Variants in PPARGC1A observed in about 807,000 individuals in gnomAD.
PPARGC1A encodes the protein PPARG coactivator 1 alpha.
A neutral mutation model predicts 88.7 loss-of-function variants in PPARGC1A; 25 were observed. The ratio of observed to expected loss-of-function variants is 0.28; its 90% CI spans 0.21 to 0.39. PPARGC1A has a LOEUF of 0.39. Among genes scored for constraint, PPARGC1A ranks in the 10% least tolerant of loss-of-function variants. PPARGC1A has a pLI of 1.00. For missense variants in PPARGC1A, 880 were observed against 968.7 expected (o/e 0.91, Z 1.22); for synonymous variants, 363 against 355.6 (o/e 1.02, Z -0.24).
the PPARGC1A span, among the ~76,000 whole-genome samples, chr4:24,451,813 C>T: frequency 3.9e-5 from 6 of 152,120 alleles, no homozygotes; most frequent in African/African-American, 1.4e-4. Context: ...CTTGACCTCG[C>T]AATCTGCCCG....
chr4:24,211,906 T>C, the PPARGC1A span, among the ~76,000 whole-genome samples: 1 of 152,194 alleles, frequency 6.6e-6, no homozygotes, highest in African/African-American at 2.4e-5. Flanking sequence ...TCCTACTGTT[T>C]CATCGCCTAA....
the PPARGC1A span, among the ~76,000 whole-genome samples, chr4:24,344,162 G>C: frequency 6.6e-6 from 1 of 151,900 alleles, no homozygotes; most frequent in African/African-American, 2.4e-5. Context: ...GTGGGCATTT[G>C]GGTTCATTCT....
the PPARGC1A span, among the ~76,000 whole-genome samples, chr4:24,001,863 G>A: frequency 2.6e-5 from 4 of 152,022 alleles, no homozygotes; most frequent in East Asian, 1.9e-4. Context: ...CTGTGGCACC[G>A]AAACAGACGT....
intron 10 of PPARGC1A, among the ~76,000 whole-genome samples, chr4:23,808,955 T>C (rs1349583898): frequency 6.6e-6 from 1 of 152,152 alleles, no homozygotes; most frequent in Non-Finnish European, 1.5e-5. Flanking sequence ...TGAAGGTTTT[T>C]TTTTTCATTG....
At chr4:24,071,599 T>C in the PPARGC1A span, among the ~76,000 whole-genome samples, 42 of 152,282 alleles carry the variant, frequency 2.8e-4, no homozygotes, top group African/African-American at 7.9e-4. Flanking sequence ...CATTGGTGAA[T>C]TGTATTCACG....
intron 1 of PPARGC1A, among the ~76,000 whole-genome samples, chr4:23,889,589 G>C (rs926296095): frequency 6.6e-6 from 1 of 152,098 alleles, no homozygotes; most frequent in African/African-American, 2.4e-5. Context: ...TTCAGCTTCT[G>C]ATTCATATCA....
the PPARGC1A span, among the ~76,000 whole-genome samples, chr4:24,228,386 A>G: frequency 3.0e-4 from 45 of 152,336 alleles, no homozygotes; most frequent in African/African-American, 1.0e-3. Flanking sequence ...GCAAATTAAC[A>G]CAGGAACAGA....
chr4:24,036,442 C>T, the PPARGC1A span, among the ~76,000 whole-genome samples: 1 of 152,108 alleles, frequency 6.6e-6, no homozygotes, highest in Non-Finnish European at 1.5e-5. Context: ...CATGTATGAA[C>T]ATATTTATAG....
At chr4:24,040,243 T>C in the PPARGC1A span, among the ~76,000 whole-genome samples, 5 of 152,296 alleles carry the variant, frequency 3.3e-5, no homozygotes, top group African/African-American at 9.6e-5. Context: ...TACACACATC[T>C]TCCATCTTAG....
the PPARGC1A span, among the ~76,000 whole-genome samples, chr4:23,996,065 A>G: frequency 8.5e-5 from 13 of 152,092 alleles, no homozygotes; most frequent in African/African-American, 2.9e-4. Flanking sequence ...TCTTCAGGGG[A>G]TAGTAGTGAA....
chr4:24,203,358 G>T, the PPARGC1A span, among the ~76,000 whole-genome samples: 1 of 152,132 alleles, frequency 6.6e-6, no homozygotes, highest in South Asian at 2.1e-4. Context: ...GGCCAACATG[G>T]TAAAACCCTG....
chr4:24,282,858 TAA>T, the PPARGC1A span, among the ~76,000 whole-genome samples: 1 of 152,194 alleles, frequency 6.6e-6, no homozygotes, highest in Non-Finnish European at 1.5e-5. Flanking sequence ...TTTCATTTTT[TAA>T]AAAGTTTTAA....
chr4:23,871,044 C>T (rs1398357830), intron 2 of PPARGC1A, among the ~76,000 whole-genome samples: 1 of 151,612 alleles, frequency 6.6e-6, no homozygotes, highest in Non-Finnish European at 1.5e-5. Context: ...AACACATTTG[C>T]CATTGAAAGA....
the PPARGC1A span, among the ~76,000 whole-genome samples, chr4:24,040,900 C>T: frequency 3.3e-5 from 5 of 152,062 alleles, no homozygotes; most frequent in Middle Eastern, 3.2e-3. Context: ...TCATGTTCAC[C>T]GGGCTCAATT....
At chr4:23,895,936 ATGTGTGTGTGTGTGTGTGTG>A (rs550243415) in intron 1 of PPARGC1A, among the ~76,000 whole-genome samples, 1 of 130,640 alleles carries the variant, frequency 7.7e-6, no homozygotes, top group Non-Finnish European at 1.7e-5. Context: ...AATTATAGAG[ATGTGTGTGTGTGTGTGTGTG>A]TGTGTGTGTG....
chr4:24,250,218 C>T, the PPARGC1A span, among the ~76,000 whole-genome samples: 2 of 152,244 alleles, frequency 1.3e-5, no homozygotes, highest in African/African-American at 2.4e-5. Flanking sequence ...ATTATCACAC[C>T]ATTCCTTGCC....
chr4:23,928,152 A>G, the PPARGC1A span, among the ~76,000 whole-genome samples: 1 of 152,096 alleles, frequency 6.6e-6, no homozygotes, highest in Non-Finnish European at 1.5e-5. Flanking sequence ...TGTCTGGACT[A>G]TTTTCAGAGT....
chr4:24,359,720 T>G, the PPARGC1A span, among the ~76,000 whole-genome samples: 1 of 152,118 alleles, frequency 6.6e-6, no homozygotes, highest in Admixed American at 6.5e-5. Context: ...GAACACCAAG[T>G]GACTTTGGAA....
the PPARGC1A span, among the ~76,000 whole-genome samples, chr4:24,365,004 G>A: frequency 6.6e-6 from 1 of 152,024 alleles, no homozygotes; most frequent in Admixed American, 6.6e-5. Flanking sequence ...AAGGCACAGA[G>A]AAGGCGCCTT....
Sources: allele counts gnomAD v4.1 joint callset (sites outside exome capture counted in the v4.1 genomes callset), GRCh38; gene constraint gnomAD v4.1.1; transcripts MANE v1.5; gene names NCBI Gene and HGNC (gene_info 2026-07-23, HGNC 2026-07-21).